CHD8: variants seen among roughly 807,000 people sequenced by gnomAD.
The protein encoded by CHD8 is chromodomain helicase DNA binding protein 8, also known as ATP-dependent chromatin remodeler CHD8.
CHD8 carries 31 observed loss-of-function variants against 279.2 expected under a neutral mutation model. The observed-to-expected ratio is 0.11, with a 90% CI of 0.08 to 0.15. The LOEUF is 0.15. Among genes scored for constraint, CHD8 ranks in the 10% least tolerant of loss-of-function variants. The pLI is 1.00. For missense variants in CHD8, 2,146 were observed against 3,230.5 expected, an observed-to-expected ratio of 0.66 and a Z score of 8.14; for synonymous variants, 1,081 against 1,139.6, an observed-to-expected ratio of 0.95 and a Z score of 1.04.
At chr14:21,401,710 G>A (rs1216489176) in intron 20 of CHD8, 197 bp from the exon 21 acceptor site, 1 of 580,016 alleles carries the variant, frequency 1.7e-6, no homozygotes, top group Non-Finnish European at 3.0e-6. Context: ...TCAGCCTCCC[G>A]AGTAGCTGGG....
chr14:21,424,864 T>G (rs754507095), intron 5 of CHD8, among the ~76,000 whole-genome samples: 11 of 152,192 alleles, frequency 7.2e-5, no homozygotes, highest in African/African-American at 2.7e-4. Flanking sequence ...GAGGCACTTA[T>G]AAATATTAAT....
intron 32 of CHD8, 33 bp from the exon 33 acceptor site, chr14:21,393,287 A>C: frequency 6.2e-7 from 1 of 1,612,004 alleles, no homozygotes; most frequent in South Asian, 1.1e-5. Context: ...GTGTGAGAAA[A>C]GATGGAAGAA....
chr14:21,434,870 C>A (rs1889715393), intron 1 of CHD8, among the ~76,000 whole-genome samples: 1 of 152,148 alleles, frequency 6.6e-6, no homozygotes, highest in South Asian at 2.1e-4. Flanking sequence ...TTGTGGGTCA[C>A]CCTGGCTATA....
chr14:21,435,984 G>A (rs981508409), intron 1 of CHD8, among the ~76,000 whole-genome samples: 2 of 152,186 alleles, frequency 1.3e-5, no homozygotes, highest in African/African-American at 4.8e-5. Context: ...TAGTTCTGTC[G>A]TCTAATAGAT....
intron 1 of CHD8, among the ~76,000 whole-genome samples, chr14:21,450,725 T>A (rs1269669412): frequency 6.6e-6 from 1 of 152,084 alleles, no homozygotes; most frequent in African/African-American, 2.4e-5. Context: ...TTCAGTAGCC[T>A]TCTTCTCAAA....
chr14:21,388,188 GTTTAC>G (rs1410857838), intron 37 of CHD8, among the ~76,000 whole-genome samples: 1 of 152,110 alleles, frequency 6.6e-6, no homozygotes, highest in Non-Finnish European at 1.5e-5. Context: ...AATATTGATA[GTTTAC>G]TTTAAAATTA....
intron 1 of CHD8, among the ~76,000 whole-genome samples, chr14:21,442,695 GGAGGA>G (rs1171396575): frequency 2.0e-4 from 16 of 79,662 alleles, no homozygotes; most frequent in Non-Finnish European, 2.4e-4. Flanking sequence ...GGAGGGGAGG[GGAGGA>G]GAGGAGAGGA....
chr14:21,406,477 A>G (rs563631996), intron 14 of CHD8, among the ~76,000 whole-genome samples: 3 of 152,340 alleles, frequency 2.0e-5, no homozygotes, highest in East Asian at 1.9e-4. Flanking sequence ...ACCAGCATCA[A>G]CTGCCAGCTG....
At chr14:21,453,199 C>T (rs1566459375) in intron 1 of CHD8, among the ~76,000 whole-genome samples, 1 of 151,360 alleles carries the variant, frequency 6.6e-6, no homozygotes, top group Non-Finnish European at 1.5e-5. Flanking sequence ...AGAAAGACCA[C>T]ATCTTGAAAA....
intron 1 of CHD8, among the ~76,000 whole-genome samples, chr14:21,444,527 TG>T (rs1223082046): frequency 1.3e-5 from 2 of 152,148 alleles, no homozygotes; most frequent in Non-Finnish European, 2.9e-5. Flanking sequence ...CTGCTCTAGA[TG>T]TTCTATGTCA....
At position 21,414,934 on chromosome 14, in the gene CHD8, G is replaced by A. The variant is rs761033932; in HGVS notation, c.2024+4C>T. 14 of 1,600,070 alleles carry A rather than the reference G, an allele frequency of 8.7e-6. No individual in the cohort carries two copies. Among genetic ancestry groups the A allele is most frequent in the South Asian group, 6.7e-5 (6 of 88,918 alleles). ...GTGACAAGCTTTTTGCACAGATCAC[G>A]TACTAGTTCTTGTACTTGACAAAGA... On this transcript the variant is annotated splice_donor_region_variant and intron_variant, in intron 8 of 37. Transcript: ENST00000646647.
intron 5 of CHD8, among the ~76,000 whole-genome samples, chr14:21,420,310 G>A (rs983381057): frequency 1.6e-4 from 24 of 152,028 alleles, no homozygotes; most frequent in African/African-American, 5.3e-4. Flanking sequence ...CTCTGTGGGC[G>A]CAGCCACCCC....
intron 26 of CHD8, chr14:21,399,371 C>G: frequency 2.0e-6 from 1 of 503,486 alleles, no homozygotes; most frequent in South Asian, 2.1e-5. Context: ...GATTAGAGAA[C>G]AGATGGGAGG....
rs1887564529 is a variant in CHD8 at position 21,392,002 on chromosome 14, A to G, written c.6772-56T>C. On this transcript the variant is annotated intron_variant, in intron 34 of 37. Coordinates refer to ENST00000646647, the MANE Select transcript of CHD8 (RefSeq NM_001170629.2). ...CATATGGTACATGTTTTTCAAAGTA[A>G]AGATTAAGCTTTGAGGGATGTGGGC... 2.2e-5 allele frequency: 28 copies of G among 1,294,768 alleles called. 1 individual carries two copies. In the South Asian group the frequency reaches 2.4e-4, roughly 11 times the overall value. The allele number at this position is 1,294,768 out of a possible 1,614,324, so 80.2% of individuals were successfully genotyped here. A position where few individuals can be genotyped will look rare whatever the true frequency, so the allele number is the denominator to read the frequency against.
Position 21,409,957 on chromosome 14 carries a change from G to C in CHD8, c.2258C>G (p.Ser753Cys). Residue 753 changes from serine (S) to cysteine (C), a missense_variant, in exon 11 of 38, where the codon TCT becomes TGT. This residue lies in a region of CHD8 where 211 missense variants were observed against 464.7 expected (regional missense o/e 0.45). Coordinates refer to ENST00000646647, the MANE Select transcript of CHD8 (RefSeq NM_001170629.2). ...PVIYYLVKWCSLPYEDSTWEL... is the reference protein window; with the variant it reads ...PVIYYLVKWCCLPYEDSTWEL... ...CCATGTGCTATCCTCATAGGGCAGA[G>C]AGCACCATTTCACCAGGTAGTAAAT... The C allele has an allele frequency of 6.2e-7, 1 of 1,613,306 alleles. No homozygotes were observed. Among genetic ancestry groups the C allele is most frequent in the Non-Finnish European group, 8.5e-7 (1 of 1,179,460 alleles).
rs1888697271 is a variant in CHD8 at position 21,415,814 on chromosome 14, C to T, written c.1810G>A (p.Val604Ile). 5 of 1,613,890 alleles carry T rather than the reference C, an allele frequency of 3.1e-6. No homozygotes were observed. The highest frequency in any genetic ancestry group is 4.2e-6 in the Non-Finnish European group (5 of 1,179,784). Residue 604 changes from valine (V) to isoleucine (I), a missense_variant, in exon 6 of 38, where the codon GTA (valine) becomes ATA (isoleucine). Val to Ile is a conservative substitution (Grantham distance 29, BLOSUM62 3). Around this residue, in one of 26 missense-constraint regions of CHD8, gnomAD observed 123 missense variants for 169.2 expected, o/e 0.73. Transcript: ENST00000646647. ...TDDEEEEEVD[V>I]TGPIKPEPIL... Reference sequence around the variant, plus strand: ...GGCTCAGGTTTTATTGGACCAGTTACATCCACCTCTTCTTCTTCTTCATCA... The same window carrying T: ...GGCTCAGGTTTTATTGGACCAGTTATATCCACCTCTTCTTCTTCTTCATCA...
Position 21,395,486 on chromosome 14 carries a change from C to A in CHD8, c.5128-134G>T. 7 of 644,090 alleles carry A rather than the reference C, an allele frequency of 1.1e-5. 1 individual carries two copies. In the South Asian group the frequency reaches 1.4e-4, roughly 13 times the overall value. The allele number at this position is 644,090 out of a possible 1,614,324, so 39.9% of individuals were successfully genotyped here. On this transcript the variant is annotated intron_variant, in intron 28 of 37. Coordinates refer to ENST00000646647, the MANE Select transcript of CHD8 (RefSeq NM_001170629.2). ...AAGAAAAACTTCTAAAGAAATATAT[C>A]CCCACAAAAACTTGGAAACAATCAA...
intron 9 of CHD8, 109 bp from the exon 10 acceptor site, chr14:21,413,105 A>T: frequency 1.4e-6 from 1 of 712,004 alleles, no homozygotes; most frequent in East Asian, 2.7e-5. Context: ...TTTTAAAGAA[A>T]TTAGAAGCTA....
intron 37 of CHD8, among the ~76,000 whole-genome samples, chr14:21,387,199 T>C (rs1887288794): frequency 6.6e-6 from 1 of 152,082 alleles, no homozygotes; most frequent in South Asian, 2.1e-4. Context: ...ATATTAAGAA[T>C]TCTGGGCCAG....
Sources: gnomAD v4.1 joint callset for allele counts (sites outside exome capture counted in the v4.1 genomes callset) on GRCh38, gnomAD v4.1.1 for gene constraint, gnomAD v4.1.1 regional missense constraint, MANE v1.5 for transcripts, NCBI Gene and HGNC (gene_info 2026-07-23, HGNC 2026-07-21) for gene names.